PCDHA2: variants seen among roughly 807,000 people sequenced by gnomAD.
PCDHA2 encodes protocadherin alpha-2.
In PCDHA2, 58 loss-of-function variants were observed where a neutral mutation model predicts 66.0. The ratio of observed to expected loss-of-function variants is 0.88; its 90% confidence interval spans 0.71 to 1.09. The LOEUF (loss-of-function observed/expected upper bound fraction) is 1.09. Among genes scored for constraint, PCDHA2 ranks in the 50% least tolerant of loss-of-function variants. The probability of loss-of-function intolerance (pLI) is 0.00; values close to 1 mark genes in which losing one functional copy is unlikely to be tolerated. For missense variants in PCDHA2, 1,267 were observed against 1,242.3 expected (o/e 1.02, Z -0.30); for synonymous variants, 634 against 554.0 (o/e 1.14, Z -2.03).
At chr5:140,837,511 G>A (rs1335097431) in intron 1 of PCDHA2, among the ~76,000 whole-genome samples, 2 of 96,626 alleles carry the variant, frequency 2.1e-5, no homozygotes, top group Non-Finnish European at 4.1e-5. Context: ...TTCTGAAGCA[G>A]TTTACTTTTT....
intron 1 of PCDHA2, chr5:140,835,770 T>G: frequency 6.2e-7 from 1 of 1,613,258 alleles, no homozygotes; most frequent in Non-Finnish European, 8.5e-7. Flanking sequence ...GTATACGGTG[T>G]TCGTGAAGGA....
chr5:140,850,847 G>C (rs2150500244), intron 1 of PCDHA2: 5 of 1,596,668 alleles, frequency 3.1e-6, no homozygotes, highest in Non-Finnish European at 4.3e-6. Context: ...GATCTACAGA[G>C]CGAACGGGAG....
intron 1 of PCDHA2, among the ~76,000 whole-genome samples, chr5:140,974,337 T>TA (rs2096623719): frequency 6.6e-6 from 1 of 152,214 alleles, no homozygotes; most frequent in Admixed American, 6.5e-5. Context: ...GCTAGCAGGC[T>TA]ATGCATCCAG....
intron 3 of PCDHA2, among the ~76,000 whole-genome samples, chr5:140,996,177 C>T (rs1214472705): frequency 6.6e-6 from 1 of 152,226 alleles, no homozygotes; most frequent in Non-Finnish European, 1.5e-5. Flanking sequence ...GCTGACAGCA[C>T]CTCCATTTTA....
Position 140,876,213 on chromosome 5 carries a change from T to G in PCDHA2, c.2388+78861T>G, listed in dbSNP as rs782372222. On this transcript the variant is annotated intron_variant, in intron 1 of 3. Transcript: ENST00000526136. ...GTCCGGCGTTTGATAAGCCCAGCTA[T>G]AAAGTAGTGTTGTCTGAAAATGTCC... The G allele has an allele frequency of 3.1e-6, 5 of 1,613,846 alleles. No individual in the cohort carries two copies. The East Asian group carries it at 1.1e-4, about 36-fold the overall frequency.
chr5:140,903,955 A>G (rs536986744), intron 1 of PCDHA2, among the ~76,000 whole-genome samples: 1 of 152,308 alleles, frequency 6.6e-6, no homozygotes, highest in Non-Finnish European at 1.5e-5. Context: ...CTGGAAAATT[A>G]TTTGTTGATT....
intron 1 of PCDHA2, among the ~76,000 whole-genome samples, chr5:140,950,234 T>C (rs1423756424): frequency 1.3e-5 from 2 of 152,028 alleles, no homozygotes; most frequent in Non-Finnish European, 2.9e-5. Flanking sequence ...TCTAGTGCCA[T>C]TAATTTGTTC....
intron 3 of PCDHA2, among the ~76,000 whole-genome samples, chr5:140,984,922 C>T (rs2097125803): frequency 6.6e-6 from 1 of 152,074 alleles, no homozygotes; most frequent in Non-Finnish European, 1.5e-5. Flanking sequence ...TAGTGCTTGA[C>T]ATATAGTTAA....
chr5:140,862,575 G>T (rs1272278191), intron 1 of PCDHA2: 3 of 486,640 alleles, frequency 6.2e-6, no homozygotes, highest in Non-Finnish European at 1.3e-5. Context: ...ATGCCCTGGC[G>T]TTCCAGCAGC....
rs531269900 is a variant in PCDHA2, at chr5:140,802,701, C to T, written c.2388+5349C>T. On this transcript the variant is annotated intron_variant, in intron 1 of 3. Coordinates refer to ENST00000526136, the MANE Select transcript of PCDHA2 (RefSeq NM_018905.3). ...GCTGGTGGAACGGCGGGTGGGGGAGCGCGCGCTGTCGAGCTACGTGTCGGT... is the reference window on the plus strand; with the variant it reads ...GCTGGTGGAACGGCGGGTGGGGGAGTGCGCGCTGTCGAGCTACGTGTCGGT... 9 of 1,612,338 alleles carry T rather than the reference C, an allele frequency of 5.6e-6. No individual in the cohort carries two copies. The East Asian group carries it at 1.6e-4, about 28-fold the overall frequency.
chr5:140,882,958 C>T (rs1582656438), intron 1 of PCDHA2: 1 of 1,614,040 alleles, frequency 6.2e-7, no homozygotes, highest in Non-Finnish European at 8.5e-7. Flanking sequence ...AGCTGCTCAT[C>T]ACGATTCTGG....
intron 1 of PCDHA2, among the ~76,000 whole-genome samples, chr5:140,837,921 C>T (rs1775313759): frequency 6.6e-6 from 1 of 151,734 alleles, no homozygotes; most frequent in Admixed American, 6.6e-5. Flanking sequence ...TCAAGCGATC[C>T]TCCTACCTTG....
intron 1 of PCDHA2, among the ~76,000 whole-genome samples, chr5:140,924,896 AAAAAAAAAATAAAATAAAAT>A (rs1488372568): frequency 0.024 from 1,693 of 69,132 alleles, 31 homozygotes; most frequent in African/African-American, 0.08. Context: ...ACCTGTCTCA[AAAAAAAAAATAAAATAAAAT>A]AAAATAAAAT....
rs781847174 is a variant in PCDHA2, at chr5:140,795,593, TGTTACTG to T, written c.632_638del (p.Leu211TrpfsTer21). ...AGAGAGGAAACTGCTGAGGTTAATT[TGTTACTG>T]GTGGCTACTGATGGGGGCAAACCTG... is the stretch of plus-strand genomic sequence containing the variant. On this transcript the variant is annotated frameshift_variant, in exon 1 of 4. Coordinates refer to ENST00000526136, the MANE Select transcript of PCDHA2 (RefSeq NM_018905.3). LOFTEE classifies it high-confidence loss of function. The T allele has an allele frequency of 4.3e-6, 7 of 1,614,082 alleles. No individual in the cohort carries two copies. The African/African-American group carries it at 5.3e-5, about 12-fold the overall frequency.
chr5:140,913,276 CT>C (rs1468388675), intron 1 of PCDHA2, among the ~76,000 whole-genome samples: 1 of 152,070 alleles, frequency 6.6e-6, no homozygotes, highest in Non-Finnish European at 1.5e-5. Flanking sequence ...TGTTATTGGT[CT>C]GTTTAGGTTT....
chr5:140,908,308 G>A (rs1011025623), intron 1 of PCDHA2, among the ~76,000 whole-genome samples: 19 of 152,170 alleles, frequency 1.2e-4, no homozygotes, highest in African/African-American at 4.6e-4. Context: ...AAGGAAGGGC[G>A]GCAGGAGTGG....
intron 1 of PCDHA2, among the ~76,000 whole-genome samples, chr5:140,900,090 A>G (rs1370301453): frequency 6.6e-6 from 1 of 152,152 alleles, no homozygotes; most frequent in Non-Finnish European, 1.5e-5. Context: ...AGTTACAAGC[A>G]TGCGCCACCA....
intron 1 of PCDHA2, among the ~76,000 whole-genome samples, chr5:140,873,370 T>A (rs2054256707): frequency 6.6e-6 from 1 of 152,166 alleles, no homozygotes; most frequent in Non-Finnish European, 1.5e-5. Flanking sequence ...TAACTGAAGA[T>A]CTTTTAAAGA....
chr5:140,809,549 A>C (rs1764495045), intron 1 of PCDHA2: 1 of 1,612,046 alleles, frequency 6.2e-7, no homozygotes, highest in Non-Finnish European at 8.5e-7. Context: ...TCAGCTGCAG[A>C]CAACTGAGGA....
Sources: allele counts gnomAD v4.1 joint callset (sites outside exome capture counted in the v4.1 genomes callset), GRCh38; gene constraint gnomAD v4.1.1; transcripts MANE v1.5; gene names NCBI Gene and HGNC (gene_info 2026-07-23, HGNC 2026-07-21).